The following SUPT3H variants were observed in gnomAD, a reference collection of about 807,000 sequenced individuals.
SUPT3H encodes transcription initiation protein SPT3 homolog.
SUPT3H carries 44 observed loss-of-function variants against 44.3 expected under a neutral mutation model. The observed-to-expected ratio is 0.99, with a 90% CI of 0.78 to 1.28. The LOEUF is 1.28. Ranked by LOEUF, SUPT3H falls within the 50% of genes most tolerant of loss-of-function variation. The probability of loss-of-function intolerance (pLI) is 0.00; values close to 1 mark genes in which losing one functional copy is unlikely to be tolerated. For missense variants in SUPT3H, 380 were observed against 387.1 expected (o/e 0.98, Z 0.15); for synonymous variants, 124 against 125.6 (o/e 0.99, Z 0.09).
chr6:45,226,071 A>T (rs1366149255), intron 2 of SUPT3H, among the ~76,000 whole-genome samples: 1 of 152,210 alleles, frequency 6.6e-6, no homozygotes, highest in Non-Finnish European at 1.5e-5. Context: ...ACATTATATT[A>T]AGCACTTACA....
At chr6:45,175,049 A>G (rs929738326) in intron 2 of SUPT3H, among the ~76,000 whole-genome samples, 9 of 151,174 alleles carry the variant, frequency 6.0e-5, no homozygotes, top group Non-Finnish European at 8.8e-5. Flanking sequence ...AATTAAAAAA[A>G]TTAAATGTCA....
intron 3 of SUPT3H, among the ~76,000 whole-genome samples, chr6:45,057,571 T>G (rs531698391): frequency 1.9e-4 from 29 of 152,288 alleles, no homozygotes; most frequent in Middle Eastern, 3.4e-3. Flanking sequence ...GGCTTCTACC[T>G]TGAGGAGGAC....
chr6:45,098,128 C>T (rs1798049871), intron 3 of SUPT3H: 1 of 153,842 alleles, frequency 6.5e-6, no homozygotes, highest in South Asian at 2.0e-4. Context: ...TATTAAATAG[C>T]CAAAGAAAAA....
At chr6:44,927,672 T>C (rs1769732271) in intron 10 of SUPT3H, among the ~76,000 whole-genome samples, 1 of 152,184 alleles carries the variant, frequency 6.6e-6, no homozygotes, top group Non-Finnish European at 1.5e-5. Context: ...TGATCAGTGA[T>C]TAAAAAAACA....
chr6:45,085,519 C>T (rs1358806346), intron 3 of SUPT3H, among the ~76,000 whole-genome samples: 2 of 152,054 alleles, frequency 1.3e-5, no homozygotes, highest in Non-Finnish European at 2.9e-5. Context: ...TTTGGTACCT[C>T]ATTTCTAAGA....
intron 2 of SUPT3H, among the ~76,000 whole-genome samples, chr6:45,201,607 C>T (rs1762468143): frequency 6.6e-6 from 1 of 151,650 alleles, no homozygotes; most frequent in South Asian, 2.1e-4. Context: ...ATTTTTATTA[C>T]CCAGTATGGA....
chr6:45,180,364 CTACTT>C (rs1236097462), intron 2 of SUPT3H, among the ~76,000 whole-genome samples: 68 of 150,498 alleles, frequency 4.5e-4, no homozygotes, highest in Non-Finnish European at 1.0e-4. Context: ...TTGGAAAAAA[CTACTT>C]TAAAGTTCAT....
chr6:45,330,468 G>A (rs751399362), intron 2 of SUPT3H, among the ~76,000 whole-genome samples: 31 of 152,028 alleles, frequency 2.0e-4, no homozygotes, highest in Non-Finnish European at 2.4e-4. Flanking sequence ...ACTCTTTCAC[G>A]TTATCACTCT....
chr6:44,892,213 G>A (rs1763417808), intron 10 of SUPT3H, among the ~76,000 whole-genome samples: 1 of 152,090 alleles, frequency 6.6e-6, no homozygotes, highest in South Asian at 2.1e-4. Context: ...TTTGGAGACA[G>A]AGCTCTAAGG....
chr6:45,369,624 A>G (rs1212821074), intron 1 of SUPT3H, among the ~76,000 whole-genome samples: 1 of 152,124 alleles, frequency 6.6e-6, no homozygotes, highest in East Asian at 1.9e-4. Context: ...TAATAAAGAC[A>G]CACTCTTATT....
chr6:45,087,382 C>T (rs1465065729), intron 3 of SUPT3H, among the ~76,000 whole-genome samples: 1 of 151,752 alleles, frequency 6.6e-6, no homozygotes, highest in African/African-American at 2.4e-5. Flanking sequence ...TTAGGAAGTA[C>T]AATTGCTTCT....
At chr6:45,365,334 T>C (rs1794944424) in intron 1 of SUPT3H, 33 bp from the exon 2 acceptor site, 2 of 1,430,856 alleles carry the variant, frequency 1.4e-6, no homozygotes, top group African/African-American at 1.4e-5. Context: ...GCTTACAAAA[T>C]GTACCTAGCT....
At chr6:45,214,192 A>C (rs1266077241) in intron 2 of SUPT3H, among the ~76,000 whole-genome samples, 1 of 152,060 alleles carries the variant, frequency 6.6e-6, no homozygotes, top group African/African-American at 2.4e-5. Flanking sequence ...GTTTTCTACA[A>C]CACCTTATGA....
intron 5 of SUPT3H, among the ~76,000 whole-genome samples, chr6:45,009,577 C>T (rs899208409): frequency 4.6e-5 from 7 of 151,980 alleles, no homozygotes; most frequent in Admixed American, 4.6e-4. Flanking sequence ...GCTATTTTTT[C>T]CCTATCAAAT....
chr6:45,248,144 G>GA (rs1458639417), intron 2 of SUPT3H, among the ~76,000 whole-genome samples: 4 of 151,962 alleles, frequency 2.6e-5, no homozygotes, highest in Non-Finnish European at 4.4e-5. Context: ...ATCACTTAGA[G>GA]AAAAAACTGA....
At chr6:45,128,557 TACACACACACACACACACACACACAC>T (rs1173091186) in intron 2 of SUPT3H, among the ~76,000 whole-genome samples, 15 of 56,716 alleles carry the variant, frequency 2.6e-4, no homozygotes, top group South Asian at 1.3e-3. Flanking sequence ...TATATATATA[TACACACACACACACACACACACACAC>T]ATACACATAT....
chr6:44,810,925 A>G (rs930040046), intron 11 of SUPT3H, among the ~76,000 whole-genome samples: 2 of 151,178 alleles, frequency 1.3e-5, no homozygotes, highest in Non-Finnish European at 2.9e-5. Context: ...AAAAAAATTT[A>G]TATTAGAACA....
At chr6:44,895,623 T>C (rs1217408656) in intron 10 of SUPT3H, among the ~76,000 whole-genome samples, 1 of 152,126 alleles carries the variant, frequency 6.6e-6, no homozygotes, top group Non-Finnish European at 1.5e-5. Context: ...CTTTTTAACA[T>C]GGCTAAAACA....
intron 2 of SUPT3H, among the ~76,000 whole-genome samples, chr6:45,215,127 C>T (rs1316544941): frequency 6.6e-6 from 1 of 152,150 alleles, no homozygotes; most frequent in African/African-American, 2.4e-5. Context: ...CACTACTGCA[C>T]TAACTCAGAA....
Sources: allele counts gnomAD v4.1 joint callset (sites outside exome capture counted in the v4.1 genomes callset), GRCh38; gene constraint gnomAD v4.1.1; transcripts MANE v1.5; gene names NCBI Gene and HGNC (gene_info 2026-07-23, HGNC 2026-07-21).